The following PKHD1L1 variants were observed in gnomAD, a reference collection of about 807,000 sequenced individuals.
The protein encoded by PKHD1L1 is PKHD1 like 1.
A neutral mutation model predicts 462.9 loss-of-function variants in PKHD1L1; 434 were observed. The ratio of observed to expected loss-of-function variants is 0.94; its 90% confidence interval spans 0.87 to 1.02. The LOEUF (loss-of-function observed/expected upper bound fraction) is 1.02, where lower values mean the gene tolerates loss of function less well. PKHD1L1 is among the 50% of genes least tolerant of loss of function. PKHD1L1 has a pLI of 0.00. For synonymous variants in PKHD1L1, 1,781 were observed against 1,750.0 expected, an observed-to-expected ratio of 1.02 and a Z score of -0.44; for missense variants, 5,202 against 5,096.1, an observed-to-expected ratio of 1.02 and a Z score of -0.63.
rs1403993737 is a variant in PKHD1L1 at position 109,443,671 on chromosome 8, T to G, written c.4565-5T>G. The G allele has an allele frequency of 6.2e-7, 1 of 1,607,072 alleles. No homozygotes were observed. The highest frequency in any genetic ancestry group is 1.3e-5 in the African/African-American group (1 of 74,574). ...TGACTTAACGGGCAGTTCTTTTGTC[T>G]AAAGGAGGACCTGAGAATTTGCACT... On this transcript the variant is annotated splice_region_variant and splice_polypyrimidine_tract_variant and intron_variant, in intron 36 of 77. Transcript: ENST00000378402.
At chr8:109,411,869 G>A (rs756342691) in intron 19 of PKHD1L1, among the ~76,000 whole-genome samples, 9 of 152,042 alleles carry the variant, frequency 5.9e-5, no homozygotes, top group Non-Finnish European at 8.8e-5. Context: ...TGGCTTCTTT[G>A]TCTTAGACGG....
Position 109,435,350 on chromosome 8 carries a change from A to G in PKHD1L1, c.3501A>G (p.Ile1167Met). ...ATATCTGGCCTGATTCTGGAAGCATAGCAGGTAATGGTTAATAGTTTAAAC... is the reference window on the plus strand; with the variant it reads ...ATATCTGGCCTGATTCTGGAAGCATGGCAGGTAATGGTTAATAGTTTAAAC... ...ISHIWPDSGSIAGGTLLTLSG... is the reference protein window; with the variant it reads ...ISHIWPDSGSMAGGTLLTLSG... Residue 1167 changes from isoleucine (I) to methionine (M), a missense_variant, in exon 29 of 78, where the codon ATA becomes ATG. By Grantham distance (10) the Ile-to-Met change is conservative. Coordinates refer to ENST00000378402, the MANE Select transcript of PKHD1L1 (RefSeq NM_177531.6). 2 of 1,611,762 alleles carry G rather than the reference A, an allele frequency of 1.2e-6. No individual in the cohort carries two copies. Among genetic ancestry groups the G allele is most frequent in the Non-Finnish European group, 8.5e-7 (1 of 1,178,612 alleles).
intron 24 of PKHD1L1, among the ~76,000 whole-genome samples, chr8:109,426,672 T>C (rs191119628): frequency 1.3e-5 from 2 of 152,160 alleles, no homozygotes; most frequent in African/African-American, 4.8e-5. Context: ...TAATTTTTTT[T>C]TGAGACGGAG....
At chr8:109,385,832 T>C (rs1307561634) in intron 6 of PKHD1L1, among the ~76,000 whole-genome samples, 1 of 152,180 alleles carries the variant, frequency 6.6e-6, no homozygotes, top group Non-Finnish European at 1.5e-5. Context: ...TGTCATTCTT[T>C]TTTGGTCTGG....
In PKHD1L1 at chr8:109,448,214, A is replaced by G; in HGVS notation, c.5848A>G (p.Ile1950Val). 6.2e-7 allele frequency: 1 copy of G among 1,613,164 alleles called. No homozygotes were observed. The change falls in exon 39 of 78, where the codon ATA (isoleucine) becomes GTA (valine). Residue 1950 changes from isoleucine to valine, a missense_variant. Physicochemically the swap from Ile to Val is conservative, Grantham distance 29 (BLOSUM62 3). Transcript: ENST00000378402. Reference protein sequence around the residue: ...GFEILEISVMINNIQCNVTMA... With the variant: ...GFEILEISVMVNNIQCNVTMA... Reference sequence around the variant, plus strand: ...TGAGATCTTGGAAATCTCCGTGATGATAAATAACATTCAGTGTAATGTAAC... The same window carrying G: ...TGAGATCTTGGAAATCTCCGTGATGGTAAATAACATTCAGTGTAATGTAAC...
chr8:109,457,242 T>A (rs1391977357), intron 46 of PKHD1L1, among the ~76,000 whole-genome samples: 1 of 152,192 alleles, frequency 6.6e-6, no homozygotes. Context: ...TTTGCCATAT[T>A]CCATGTTAAA....
chr8:109,449,014 A>G (rs1010074378), intron 39 of PKHD1L1, among the ~76,000 whole-genome samples: 9 of 152,150 alleles, frequency 5.9e-5, no homozygotes, highest in Admixed American at 5.2e-4. Flanking sequence ...AAATAAACCA[A>G]TCTACTTAAA....
chr8:109,530,519 C>T lies in PKHD1L1; in HGVS notation c.*429C>T, dbSNP rs1821016128. On this transcript the variant is annotated 3_prime_UTR_variant, in exon 78 of 78. Coordinates refer to ENST00000378402, the MANE Select transcript of PKHD1L1 (RefSeq NM_177531.6). ...CTATCCATTTACAAGGTTTTGATTT[C>T]CAATAATCTAAGCCATTCTAGTTTC... 6.6e-6 allele frequency among the ~76,000 whole-genome samples: 1 copy of T among 151,788 alleles called. No homozygotes were observed. Among genetic ancestry groups the T allele is most frequent in the African/African-American group, 2.4e-5 (1 of 41,272 alleles).
intron 2 of PKHD1L1, among the ~76,000 whole-genome samples, chr8:109,373,425 A>G (rs564972439): frequency 5.3e-4 from 81 of 152,220 alleles, no homozygotes; most frequent in African/African-American, 1.8e-3. Context: ...CTAGCGGTCT[A>G]TCAATTTTGT....
In PKHD1L1 at chr8:109,376,623, T is replaced by A. The variant is rs189908069; in HGVS notation, c.164-4747T>A. On this transcript the variant is annotated intron_variant, in intron 2 of 77. Coordinates refer to ENST00000378402, the MANE Select transcript of PKHD1L1 (RefSeq NM_177531.6). Reference sequence around the variant, plus strand: ...GGGAGCTGTAGACTGGAGCCGTTCCTATTAGGCCGTCTTGACTCCACCCCC... The same window carrying A: ...GGGAGCTGTAGACTGGAGCCGTTCCAATTAGGCCGTCTTGACTCCACCCCC... 3.3e-5 allele frequency among the ~76,000 whole-genome samples: 5 copies of A among 152,332 alleles called. No homozygotes were observed. In the East Asian group the frequency reaches 9.6e-4, roughly 29 times the overall value.
Position 109,483,064 on chromosome 8 carries a change from G to A in PKHD1L1, c.9535G>A (p.Gly3179Ser). Reference sequence around the variant, plus strand: ...TAAGCTCTCAGAAACTGCATTTGCAGGTTCCAAAGTCCTGTCTCTGATGGA... The same window carrying A: ...TAAGCTCTCAGAAACTGCATTTGCAAGTTCCAAAGTCCTGTCTCTGATGGA... ...KTKLSETAFA[G>S]SKVLSLMDAV... Residue 3179 changes from glycine to serine, a missense_variant, in exon 57 of 78, where the codon GGT (glycine) becomes AGT (serine). By Grantham distance (56) the Gly-to-Ser change is moderately conservative. This residue lies in a region of PKHD1L1 where 4,497 missense variants were observed against 4,336.8 expected (regional missense o/e 1.04). Coordinates refer to ENST00000378402, the MANE Select transcript of PKHD1L1 (RefSeq NM_177531.6). 1 of 1,602,168 alleles carries A rather than the reference G, an allele frequency of 6.2e-7. No homozygotes were observed. Among genetic ancestry groups the A allele is most frequent in the Non-Finnish European group, 8.5e-7 (1 of 1,174,278 alleles).
At position 109,443,873 on chromosome 8, in the gene PKHD1L1, G is replaced by C. The variant is rs774629967; in HGVS notation, c.4762G>C (p.Gly1588Arg). The change falls in exon 37 of 78, where the codon GGC (glycine) becomes CGC (arginine). Residue 1588 changes from glycine to arginine, a missense_variant. Gly to Arg is a moderately radical substitution (Grantham distance 125). Transcript: ENST00000378402. ...VNELITIIGH[G>R]FSNLPWANKV... ...TGAACTAATAACAATTATTGGACAT[G>C]GCTTTAGTAATCTCCCATGGGCTAA... 1.2e-6 allele frequency: 2 copies of C among 1,613,250 alleles called. No homozygotes were observed. The highest frequency in any genetic ancestry group is 2.2e-5 in the South Asian group (2 of 91,054).
At chr8:109,374,165 A>G (rs200610332) in intron 2 of PKHD1L1, among the ~76,000 whole-genome samples, 3 of 152,104 alleles carry the variant, frequency 2.0e-5, no homozygotes, top group Non-Finnish European at 4.4e-5. Context: ...TCAGGACTTG[A>G]TTTATGAATC....
chr8:109,470,707 C>T, intron 50 of PKHD1L1: 1 of 1,578,544 alleles, frequency 6.3e-7, no homozygotes, highest in Non-Finnish European at 8.6e-7. Context: ...AAATCTGGTT[C>T]AATTAGAAGC....
In PKHD1L1 at chr8:109,445,302, T is replaced by C; in HGVS notation, c.5433T>C (p.Ser1811=). The C allele has an allele frequency of 6.2e-7, 1 of 1,614,008 alleles. No homozygotes were observed. Among genetic ancestry groups the C allele is most frequent in the East Asian group, 2.2e-5 (1 of 44,874 alleles). The change falls in exon 38 of 78, where the codon TCT becomes TCC. Residue 1811 remains serine, a synonymous_variant. Coordinates refer to ENST00000378402, the MANE Select transcript of PKHD1L1 (RefSeq NM_177531.6). ...CTCCTCTCCCAGTTGGACATCATTC[T>C]GTTAGTGTTGTGGTGGGAAGTAAAG... ...LVTPLPVGHH[S]VSVVVGSKGL...
chr8:109,381,296 A>G, intron 2 of PKHD1L1, 74 bp from the exon 3 acceptor site: 1 of 1,215,988 alleles, frequency 8.2e-7, no homozygotes, highest in South Asian at 1.4e-5. Flanking sequence ...GCATGATTTG[A>G]TACTAGGTGA....
rs886230582 is a variant in PKHD1L1 at position 109,443,858 on chromosome 8, A to G, written c.4747A>G (p.Thr1583Ala). 1.9e-6 allele frequency: 3 copies of G among 1,613,678 alleles called. No individual in the cohort carries two copies. The highest frequency in any genetic ancestry group is 2.7e-5 in the African/African-American group (2 of 74,930). Residue 1583 changes from threonine to alanine, a missense_variant, in exon 37 of 78, where the codon ACA (threonine) becomes GCA (alanine). Physicochemically the swap from Thr to Ala is moderately conservative, Grantham distance 58 (BLOSUM62 0). Transcript: ENST00000378402. ...PSTGTVNELI[T>A]IIGHGFSNLP... is the part of the protein sequence containing the mutation. ...CACTGGAACAGTAAATGAACTAATA[A>G]CAATTATTGGACATGGCTTTAGTAA...
intron 68 of PKHD1L1, among the ~76,000 whole-genome samples, chr8:109,506,181 C>T (rs571454328): frequency 1.4e-4 from 21 of 152,252 alleles, no homozygotes; most frequent in African/African-American, 3.4e-4. Flanking sequence ...TGCTTGCAGG[C>T]GATGCCATCA....
intron 45 of PKHD1L1, among the ~76,000 whole-genome samples, 175 bp downstream of exon 45, chr8:109,455,027 G>A (rs1029082096): frequency 9.9e-5 from 15 of 152,080 alleles, no homozygotes; most frequent in African/African-American, 3.1e-4. Flanking sequence ...TCCAAGCCAG[G>A]CTAGCCCAGA....
Sources: allele counts gnomAD v4.1 joint callset (sites outside exome capture counted in the v4.1 genomes callset), GRCh38; gene constraint gnomAD v4.1.1; regional missense constraint gnomAD v4.1.1; transcripts MANE v1.5; gene names NCBI Gene and HGNC (gene_info 2026-07-23, HGNC 2026-07-21).